The following NUP98 variants were observed in gnomAD, a reference collection of about 807,000 sequenced individuals.
The protein encoded by NUP98 is nucleoporin 98 and 96 precursor.
In NUP98, 26 loss-of-function variants were observed where a neutral mutation model predicts 191.9. The ratio of observed to expected loss-of-function variants is 0.14; its 90% CI spans 0.10 to 0.19. The LOEUF (loss-of-function observed/expected upper bound fraction) is 0.19, where lower values mean the gene tolerates loss of function less well. NUP98 is among the 10% of genes least tolerant of loss of function. The pLI is 1.00. For missense variants in NUP98, 1,941 were observed against 2,178.8 expected (o/e 0.89, Z 2.17); for synonymous variants, 808 against 778.4 (o/e 1.04, Z -0.63).
At chr11:3,678,128 A>G (rs978998029) in intron 31 of NUP98, among the ~76,000 whole-genome samples, 31 of 148,840 alleles carry the variant, frequency 2.1e-4, no homozygotes, top group African/African-American at 6.7e-4. Flanking sequence ...ACAGAGTAAA[A>G]CTCTGCCTAA....
At chr11:3,742,978 G>A (rs1182844760) in intron 12 of NUP98, among the ~76,000 whole-genome samples, 3 of 151,818 alleles carry the variant, frequency 2.0e-5, no homozygotes, top group East Asian at 1.9e-4. Context: ...GTGATAACCC[G>A]TTTTTCACTT....
chr11:3,681,098 G>A (rs1198031222), intron 30 of NUP98, among the ~76,000 whole-genome samples: 1 of 152,122 alleles, frequency 6.6e-6, no homozygotes, highest in Non-Finnish European at 1.5e-5. Flanking sequence ...GGAGTTCACT[G>A]GCATGGTCGT....
At chr11:3,711,369 T>C (rs922392451) in intron 20 of NUP98, among the ~76,000 whole-genome samples, 6 of 152,200 alleles carry the variant, frequency 3.9e-5, no homozygotes, top group African/African-American at 9.6e-5. Flanking sequence ...TAGGAGTTTA[T>C]AGTTATTTTT....
intron 7 of NUP98, among the ~76,000 whole-genome samples, chr11:3,770,042 CA>C (rs35812990): frequency 4.9e-4 from 63 of 129,152 alleles, no homozygotes; most frequent in Non-Finnish European, 4.8e-4. Context: ...AACTCCATCT[CA>C]AAAAAAAAAA....
At chr11:3,739,859 T>C (rs1405940500) in intron 12 of NUP98, among the ~76,000 whole-genome samples, 4 of 152,062 alleles carry the variant, frequency 2.6e-5, no homozygotes, top group Non-Finnish European at 5.9e-5. Flanking sequence ...GATCCACTTA[T>C]GTGTGGATTT....
At chr11:3,780,002 T>C (rs2081901416) in intron 2 of NUP98, among the ~76,000 whole-genome samples, 1 of 152,134 alleles carries the variant, frequency 6.6e-6, no homozygotes, top group African/African-American at 2.4e-5. Context: ...CCGTAGTCAC[T>C]GAGATAAATG....
chr11:3,732,011 T>C (rs538554754), intron 13 of NUP98, among the ~76,000 whole-genome samples: 1 of 152,362 alleles, frequency 6.6e-6, no homozygotes, highest in East Asian at 1.9e-4. Context: ...TTTATTGTTC[T>C]AGAACTGATT....
At position 3,699,345 on chromosome 11, in the gene NUP98, A is replaced by C; in HGVS notation, c.3746T>G (p.Val1249Gly). ...TGTCCATGTCAGGCTCCAGTGCTTC[A>C]CAACTAAGGCAGGAAGAGAAAAACA... is the stretch of plus-strand genomic sequence containing the variant. ...ASGDLPEAQIVKHWSLTWTLC... is the reference protein window; with the variant it reads ...ASGDLPEAQIGKHWSLTWTLC... The change falls in exon 25 of 33, where the codon GTG (valine) becomes GGG (glycine). Residue 1249 changes from valine (V) to glycine (G), a missense_variant. By Grantham distance (109) the Val-to-Gly change is moderately radical (BLOSUM62 -3). Transcript: ENST00000324932. 1 of 1,613,560 alleles carries C rather than the reference A, an allele frequency of 6.2e-7. No individual in the cohort carries two copies. Among genetic ancestry groups the C allele is most frequent in the South Asian group, 1.1e-5 (1 of 91,084 alleles).
Position 3,742,829 on chromosome 11 carries a change from T to C in NUP98, c.1408+1680A>G, listed in dbSNP as rs1459122235. On this transcript the variant is annotated intron_variant, in intron 12 of 32. Coordinates refer to ENST00000324932, the MANE Select transcript of NUP98 (RefSeq NM_016320.5). ...CACCTTGTTGACAGAATAAGAAAAATATGTAAGTACGCAGCTTAAATTTGC... is the reference window on the plus strand; with the variant it reads ...CACCTTGTTGACAGAATAAGAAAAACATGTAAGTACGCAGCTTAAATTTGC... 2.7e-5 allele frequency among the ~76,000 whole-genome samples: 4 copies of C among 149,770 alleles called. No homozygotes were observed. In the East Asian group the frequency reaches 7.8e-4, roughly 29 times the overall value.
intron 1 of NUP98, among the ~76,000 whole-genome samples, chr11:3,782,569 C>CTTTTTTT (rs1564925818): frequency 8.2e-6 from 1 of 121,998 alleles, no homozygotes; most frequent in African/African-American, 3.1e-5. Flanking sequence ...AAAAAGCTAA[C>CTTTTTTT]ATTTTTTTTT....
chr11:3,719,960 T>C (rs1434458243), intron 17 of NUP98, among the ~76,000 whole-genome samples: 1 of 152,024 alleles, frequency 6.6e-6, no homozygotes, highest in Non-Finnish European at 1.5e-5. Context: ...GAGGTCTCAC[T>C]ATGTTGCCCA....
At chr11:3,775,047 T>C (rs1589942304) in intron 5 of NUP98, among the ~76,000 whole-genome samples, 1 of 152,134 alleles carries the variant, frequency 6.6e-6, no homozygotes, top group African/African-American at 2.4e-5. Context: ...CAAGTGGCAT[T>C]CCACATGTTT....
chr11:3,686,322 C>T, intron 28 of NUP98, 128 bp from the exon 29 acceptor site: 1 of 731,454 alleles, frequency 1.4e-6, no homozygotes, highest in Non-Finnish European at 2.3e-6. Context: ...GCCTTCTCTC[C>T]CTCTGAGCCT....
chr11:3,752,215 T>A (rs1189967768), intron 11 of NUP98, among the ~76,000 whole-genome samples: 2 of 147,260 alleles, frequency 1.4e-5, no homozygotes, highest in African/African-American at 5.0e-5. Context: ...CAAAATGAGG[T>A]TCCATTAAGA....
intron 21 of NUP98, 84 bp from the exon 22 acceptor site, chr11:3,705,440 A>G (rs1446590055): frequency 1.5e-6 from 2 of 1,333,116 alleles, no homozygotes; most frequent in African/African-American, 1.5e-5. Flanking sequence ...ACAACAACCA[A>G]AAATATTGTT....
Position 3,676,369 on chromosome 11 carries a change from G to C in NUP98, c.5193C>G (p.Ala1731=). Residue 1731 remains alanine, a synonymous_variant, in exon 33 of 33, where the codon GCC becomes GCG. Transcript: ENST00000324932. The part of the protein sequence containing the change: ...AKDRLAQSDM[A]KRVANLLRVV... ...CGCGCAGCAGGTTGGCTACACGTTT[G>C]GCCATGTCTAGAGAGAAAAACTAGA... 1 of 1,613,982 alleles carries C rather than the reference G, an allele frequency of 6.2e-7. No individual in the cohort carries two copies. Among genetic ancestry groups the C allele is most frequent in the Non-Finnish European group, 8.5e-7 (1 of 1,179,904 alleles).
At chr11:3,777,556 G>A (rs2081779210) in intron 4 of NUP98, among the ~76,000 whole-genome samples, 1 of 150,656 alleles carries the variant, frequency 6.6e-6, no homozygotes, top group African/African-American at 2.4e-5. Flanking sequence ...GGGAGGCGGA[G>A]GTTGCAGTGA....
intron 11 of NUP98, among the ~76,000 whole-genome samples, chr11:3,750,204 C>G (rs1423900947): frequency 3.9e-5 from 6 of 152,194 alleles, no homozygotes; most frequent in African/African-American, 1.4e-4. Flanking sequence ...ACTGCAGTCT[C>G]AACTTCCAAA....
At chr11:3,690,198 C>G (rs1033203763) in intron 28 of NUP98, among the ~76,000 whole-genome samples, 4 of 151,014 alleles carry the variant, frequency 2.6e-5, no homozygotes, top group African/African-American at 9.8e-5. Context: ...AGTGATCCAC[C>G]CACCTCAGCC....
Sources: allele counts gnomAD v4.1 joint callset (sites outside exome capture counted in the v4.1 genomes callset), GRCh38; gene constraint gnomAD v4.1.1; transcripts MANE v1.5; gene names NCBI Gene and HGNC (gene_info 2026-07-23, HGNC 2026-07-21).